MYO18B: variants seen among roughly 807,000 people sequenced by gnomAD.
MYO18B encodes unconventional myosin-XVIIIb.
Under a neutral mutation model 273.0 loss-of-function variants are expected in MYO18B, and 204 were observed. That is an observed-to-expected ratio of 0.75 (90% CI 0.67 to 0.84). The LOEUF (loss-of-function observed/expected upper bound fraction) is 0.84. Among genes scored for constraint, MYO18B ranks in the 40% least tolerant of loss-of-function variants. The pLI, the probability that MYO18B is intolerant of heterozygous loss-of-function variation, is 0.00. For missense variants in MYO18B, 3,212 were observed against 3,287.6 expected (o/e 0.98, Z 0.56); for synonymous variants, 1,330 against 1,305.7 (o/e 1.02, Z -0.40).
In MYO18B at chr22:25,921,329, GACGTGCAGCTCCTTCTGGGC is replaced by G; in HGVS notation, c.5440_5459del (p.Val1814HisfsTer24). On this transcript the variant is annotated frameshift_variant, in exon 34 of 44. Transcript: ENST00000335473. LOFTEE classifies it high-confidence loss of function. ...CAGGAGGACACATGCACTGTTGTCAGACGTGCAGCTCCTTCTGGGCACCATGGAGGATGGCAAGACATCAG... is the reference window on the plus strand; with the variant it reads ...CAGGAGGACACATGCACTGTTGTCAGACCATGGAGGATGGCAAGACATCAG... 1.3e-6 allele frequency: 2 copies of G among 1,577,064 alleles called. No homozygotes were observed. Among genetic ancestry groups the G allele is most frequent in the East Asian group, 4.7e-5 (2 of 42,914 alleles).
At chr22:26,007,398 C>T (rs766502155) in intron 42 of MYO18B, among the ~76,000 whole-genome samples, 12 of 152,146 alleles carry the variant, frequency 7.9e-5, no homozygotes, top group Non-Finnish European at 1.8e-4. Context: ...AGGTTGGAAT[C>T]CCACCAAAGC....
chr22:26,010,326 G>T (rs1486922797), intron 42 of MYO18B, among the ~76,000 whole-genome samples: 1 of 152,086 alleles, frequency 6.6e-6, no homozygotes, highest in East Asian at 1.9e-4. Flanking sequence ...GGTTTCAGTG[G>T]CTCCTCATTG....
At position 25,756,046 on chromosome 22, in the gene MYO18B, T is replaced by C. The variant is rs150926093; in HGVS notation, c.-109-4938T>C. ...CCCAGTAGCTGGGACTACAGGGGCCTGCCACCACGCCTAGCTAATTTTTTG... is the reference window on the plus strand; with the variant it reads ...CCCAGTAGCTGGGACTACAGGGGCCCGCCACCACGCCTAGCTAATTTTTTG... On this transcript the variant is annotated intron_variant, in intron 1 of 43. Transcript: ENST00000335473. Among the ~76,000 whole-genome samples, 1,364 of 152,174 alleles carry C rather than the reference T, an allele frequency of 9.0e-3. 18 individuals carry two copies. The highest frequency in any genetic ancestry group is 0.03 in the African/African-American group (1,228 of 41,508).
At chr22:25,769,859 ATT>A (rs57200528) in intron 4 of MYO18B, among the ~76,000 whole-genome samples, 2 of 144,804 alleles carry the variant, frequency 1.4e-5, no homozygotes, top group East Asian at 2.0e-4. Context: ...TTTATGTAGT[ATT>A]TTTTTTTTTT....
chr22:26,060,200 A>G, the MYO18B span, among the ~76,000 whole-genome samples: 1 of 152,218 alleles, frequency 6.6e-6, no homozygotes, highest in Non-Finnish European at 1.5e-5. Flanking sequence ...TTTCATCAGA[A>G]CATATAATTT....
At chr22:26,006,136 T>C (rs2146925958) in intron 42 of MYO18B, among the ~76,000 whole-genome samples, 1 of 152,318 alleles carries the variant, frequency 6.6e-6, no homozygotes, top group Admixed American at 6.5e-5. Context: ...AGAATGTGAA[T>C]GCTCATTAAC....
At chr22:25,833,143 G>A in intron 16 of MYO18B, 146 bp downstream of exon 16, 1 of 707,648 alleles carries the variant, frequency 1.4e-6, no homozygotes, top group African/African-American at 1.8e-5. Context: ...GGATGCCTGG[G>A]ACCCAACCCC....
chr22:25,898,885 C>CA (rs370908865), intron 29 of MYO18B: 14 of 167,626 alleles, frequency 8.4e-5, no homozygotes, highest in African/African-American at 2.9e-4. Flanking sequence ...CCTTCCCAGC[C>CA]AGATTCCTTA....
At chr22:25,772,656 A>G (rs903395315) in intron 7 of MYO18B, 146 bp downstream of exon 7, 6 of 783,746 alleles carry the variant, frequency 7.7e-6, no homozygotes, top group Admixed American at 2.9e-5. Flanking sequence ...GCATTGTGGC[A>G]TCCTGTGGCA....
Position 25,769,359 on chromosome 22 carries a change from G to A in MYO18B, c.1443G>A (p.Arg481=), listed in dbSNP as rs1315724346. The A allele has an allele frequency of 3.2e-6, 5 of 1,576,252 alleles. No homozygotes were observed. In the African/African-American group the frequency reaches 4.0e-5, roughly 13 times the overall value. The change falls in exon 4 of 44, where the codon CGG becomes CGA. Residue 481 remains arginine (R), a synonymous_variant. Coordinates refer to ENST00000335473, the MANE Select transcript of MYO18B (RefSeq NM_032608.7). The part of the protein sequence containing the change: ...LEKDAERPRI[R]KENQDGPAPQ... ...AGGATGCAGAAAGGCCTCGGATACG[G>A]AAGGAGAACCAAGACGGGCCAGCCC...
intron 21 of MYO18B, among the ~76,000 whole-genome samples, chr22:25,852,198 T>A (rs545801698): frequency 6.6e-6 from 1 of 152,322 alleles, no homozygotes; most frequent in East Asian, 1.9e-4. Context: ...TTGCACGAGC[T>A]GTTTTCTCTG....
intron 9 of MYO18B, among the ~76,000 whole-genome samples, chr22:25,780,419 C>A (rs539976253): frequency 9.5e-4 from 144 of 151,600 alleles, no homozygotes; most frequent in African/African-American, 3.4e-3. Context: ...GGTAAAACCC[C>A]GTCTCTACTA....
At chr22:25,780,300 T>A in intron 9 of MYO18B, 102 bp downstream of exon 9, 1 of 1,373,592 alleles carries the variant, frequency 7.3e-7, no homozygotes, top group Non-Finnish European at 9.8e-7. Context: ...CTCTAGGATG[T>A]GTCTGAAATG....
chr22:25,793,586 A>C (rs1337539084), intron 11 of MYO18B, among the ~76,000 whole-genome samples: 1 of 152,104 alleles, frequency 6.6e-6, no homozygotes, highest in Non-Finnish European at 1.5e-5. Context: ...TGCACGGGGC[A>C]AGGGACTTTT....
At chr22:26,042,330 C>A in the MYO18B span, among the ~76,000 whole-genome samples, 3 of 152,346 alleles carry the variant, frequency 2.0e-5, no homozygotes, top group Admixed American at 6.5e-5. Flanking sequence ...CAGCACAGCA[C>A]GGAACATGAC....
At position 25,974,199 on chromosome 22, in the gene MYO18B, C is replaced by T. The variant is rs529546683; in HGVS notation, c.6157-18164C>T. Among the ~76,000 whole-genome samples the T allele has an allele frequency of 2.0e-5, 3 of 152,272 alleles. No individual in the cohort carries two copies. The South Asian group carries it at 6.2e-4, about 32-fold the overall frequency. ...TCAATATGGCTACTCAACAATTAGA[C>T]CCGCCAAATCTCAGCGTTTGGAATG... On this transcript the variant is annotated intron_variant, in intron 39 of 43. Coordinates refer to ENST00000335473, the MANE Select transcript of MYO18B (RefSeq NM_032608.7).
At chr22:25,846,804 G>T (rs1365435106) in intron 19 of MYO18B, among the ~76,000 whole-genome samples, 2 of 152,188 alleles carry the variant, frequency 1.3e-5, no homozygotes, top group East Asian at 1.9e-4. Flanking sequence ...TATAGTGGCC[G>T]GGCGCAGAGG....
At chr22:26,010,813 G>A (rs922285775) in intron 42 of MYO18B, among the ~76,000 whole-genome samples, 2 of 152,094 alleles carry the variant, frequency 1.3e-5, no homozygotes, top group African/African-American at 4.8e-5. Context: ...AGAAAACCAT[G>A]AGCACAACAG....
At chr22:25,882,234 G>A (rs905256009) in intron 25 of MYO18B, among the ~76,000 whole-genome samples, 1 of 150,432 alleles carries the variant, frequency 6.6e-6, no homozygotes, top group Non-Finnish European at 1.5e-5. Flanking sequence ...CCCTGGCACA[G>A]GATAGATAAA....
Sources: allele counts gnomAD v4.1 joint callset (sites outside exome capture counted in the v4.1 genomes callset), GRCh38; gene constraint gnomAD v4.1.1; transcripts MANE v1.5; gene names NCBI Gene and HGNC (gene_info 2026-07-23, HGNC 2026-07-21).